ROS1: variants seen among roughly 807,000 people sequenced by gnomAD.
ROS1 encodes ROS proto-oncogene 1, receptor tyrosine kinase, also known as proto-oncogene tyrosine-protein kinase ROS.
ROS1 carries 263 observed loss-of-function variants against 273.5 expected under a neutral mutation model. The observed-to-expected ratio is 0.96, with a 90% CI of 0.87 to 1.06. The LOEUF (loss-of-function observed/expected upper bound fraction) is 1.06, where lower values mean the gene tolerates loss of function less well. ROS1 is among the 50% of genes least tolerant of loss of function. ROS1 has a pLI of 0.00. For missense variants in ROS1, 2,833 were observed against 2,751.1 expected, an observed-to-expected ratio of 1.03 and a Z score of -0.67; for synonymous variants, 1,008 against 954.1, an observed-to-expected ratio of 1.06 and a Z score of -1.04.
intron 31 of ROS1, among the ~76,000 whole-genome samples, chr6:117,337,554 A>G (rs929904183): frequency 4.6e-5 from 7 of 152,090 alleles, no homozygotes; most frequent in Non-Finnish European, 1.0e-4. Flanking sequence ...ATGACTGTTC[A>G]TGGGAGAAGC....
In ROS1 at chr6:117,317,161, A is replaced by C; in HGVS notation, c.6099T>G (p.Arg2033=). Residue 2033 remains arginine (R), a synonymous_variant, in exon 39 of 44, where the codon CGT becomes CGG. Coordinates refer to ENST00000368507, the MANE Select transcript of ROS1 (RefSeq NM_001378902.1). ...TGCCTACCGTTGCCATCCGGGCTTTACGCAAATAAGTAAGAAGGTCTCCTC... is the reference window on the plus strand; with the variant it reads ...TGCCTACCGTTGCCATCCGGGCTTTCCGCAAATAAGTAAGAAGGTCTCCTC... ...MEGGDLLTYL[R]KARMATFYGP... is the part of the protein sequence containing the mutation. 1 of 1,613,150 alleles carries C rather than the reference A, an allele frequency of 6.2e-7. No individual in the cohort carries two copies. Among genetic ancestry groups the C allele is most frequent in the Non-Finnish European group, 8.5e-7 (1 of 1,179,506 alleles).
intron 43 of ROS1, among the ~76,000 whole-genome samples, chr6:117,298,431 T>C (rs936694335): frequency 1.3e-5 from 2 of 152,216 alleles, no homozygotes; most frequent in African/African-American, 4.8e-5. Context: ...TATGTCTATA[T>C]TCAATTCAAC....
At chr6:117,379,596 G>T (rs1265004023) in intron 17 of ROS1, among the ~76,000 whole-genome samples, 1 of 152,088 alleles carries the variant, frequency 6.6e-6, no homozygotes, top group African/African-American at 2.4e-5. Context: ...GAATTTTGTT[G>T]TTGTTTAAAC....
At chr6:117,425,014 A>G (rs1776034916) in intron 1 of ROS1, among the ~76,000 whole-genome samples, 1 of 152,216 alleles carries the variant, frequency 6.6e-6, no homozygotes, top group African/African-American at 2.4e-5. Flanking sequence ...ATGAATTTCC[A>G]TATAAAAAAC....
rs529692309 is a variant in ROS1 at position 117,396,859 on chromosome 6, T to C, written c.806+56A>G. ...TTTGATACCCATATTTCTTAAATAATTATCATGCCTGCAGCCATGCTGGTT... is the reference window on the plus strand; with the variant it reads ...TTTGATACCCATATTTCTTAAATAACTATCATGCCTGCAGCCATGCTGGTT... On this transcript the variant is annotated intron_variant, in intron 8 of 43. Transcript: ENST00000368507. The C allele has an allele frequency of 5.4e-5, 67 of 1,230,710 alleles. No homozygotes were observed. In the South Asian group the frequency reaches 7.1e-4, roughly 13 times the overall value. 76.2% of individuals were successfully genotyped at this position (1,230,710 alleles called of 1,614,324 possible).
chr6:117,386,533 C>T (rs1037421668), intron 15 of ROS1, among the ~76,000 whole-genome samples: 1 of 152,214 alleles, frequency 6.6e-6, no homozygotes, highest in African/African-American at 2.4e-5. Context: ...AGTTTCTGCT[C>T]CTGTCTTATA....
rs201205179 is a variant in ROS1, at chr6:117,329,361, T to A, written c.5316A>T (p.Gly1772=). The change falls in exon 33 of 44, where the codon GGA becomes GGT. Residue 1772 remains glycine, a synonymous_variant. Coordinates refer to ENST00000368507, the MANE Select transcript of ROS1 (RefSeq NM_001378902.1). ...CAAGGATATAGTATGTAATTCTACA[T>A]CCATTATCTTCAGCTTTCTCCCACT... is the stretch of plus-strand genomic sequence containing the variant. ...SIQWEKAEDN[G]CRITYYILEI... The A allele has an allele frequency of 7.2e-5, 113 of 1,567,574 alleles. No homozygotes were observed. The highest frequency in any genetic ancestry group is 9.8e-5 in the Non-Finnish European group (112 of 1,138,570).
chr6:117,416,445 C>A (rs926720204), intron 2 of ROS1, 128 bp from the exon 3 acceptor site: 71 of 658,404 alleles, frequency 1.1e-4, no homozygotes, highest in Middle Eastern at 3.1e-4. Flanking sequence ...TACCAAGAAA[C>A]CTGAGGCCTC....
intron 42 of ROS1, among the ~76,000 whole-genome samples, chr6:117,302,166 C>G (rs183480380): frequency 2.6e-5 from 4 of 152,220 alleles, no homozygotes; most frequent in Non-Finnish European, 5.9e-5. Context: ...GAGTCCCTAC[C>G]TAGCATAAGA....
rs1014477659 is a variant in ROS1 at position 117,357,875 on chromosome 6, T to C, written c.3768A>G (p.Lys1256=). The C allele has an allele frequency of 1.2e-6, 2 of 1,613,570 alleles. No individual in the cohort carries two copies. Among genetic ancestry groups the C allele is most frequent in the African/African-American group, 2.7e-5 (2 of 74,934 alleles). The change falls in exon 25 of 44, where the codon AAA becomes AAG. Residue 1256 remains lysine (K), a synonymous_variant. Coordinates refer to ENST00000368507, the MANE Select transcript of ROS1 (RefSeq NM_001378902.1). The stretch of plus-strand genomic sequence containing the variant: ...TGTGAATCTTCACCTCTCTGGGATA[T>C]TTCACCTTGTGTTCAAGATCAACAT... ...VFDVDLEHKV[K]YPREVKIHNR...
At chr6:117,418,543 A>G in intron 1 of ROS1, 37 bp from the exon 2 acceptor site, 1 of 1,521,040 alleles carries the variant, frequency 6.6e-7, no homozygotes, top group Non-Finnish European at 8.9e-7. Flanking sequence ...ACCAGCCATC[A>G]GTACTGGGTT....
At chr6:117,402,761 T>C (rs1203760703) in intron 7 of ROS1, among the ~76,000 whole-genome samples, 2 of 151,750 alleles carry the variant, frequency 1.3e-5, no homozygotes, top group African/African-American at 4.8e-5. Flanking sequence ...TGGTAGTGCA[T>C]GCCTGAGTCC....
intron 16 of ROS1, 84 bp downstream of exon 16, chr6:117,385,596 TTAA>T: frequency 1.7e-6 from 2 of 1,159,484 alleles, no homozygotes; most frequent in Non-Finnish European, 2.5e-6. Context: ...GCACAGGTAT[TTAA>T]AAAAAAAAAA....
chr6:117,363,987 C>T (rs1780007103), intron 21 of ROS1, among the ~76,000 whole-genome samples: 1 of 152,156 alleles, frequency 6.6e-6, no homozygotes, highest in South Asian at 2.1e-4. Context: ...TTCCTGAAGG[C>T]AAAGGCCAAA....
intron 1 of ROS1, among the ~76,000 whole-genome samples, chr6:117,419,519 T>C (rs1775594057): frequency 6.6e-6 from 1 of 152,208 alleles, no homozygotes; most frequent in South Asian, 2.1e-4. Flanking sequence ...TTGGCTTTTG[T>C]TTTTAGATAA....
At chr6:117,302,094 C>T (rs529679995) in intron 42 of ROS1, among the ~76,000 whole-genome samples, 1 of 152,270 alleles carries the variant, frequency 6.6e-6, no homozygotes, top group African/African-American at 2.4e-5. Context: ...CACACCTCAA[C>T]TCATATAAGC....
intron 39 of ROS1, among the ~76,000 whole-genome samples, chr6:117,315,549 A>T (rs1443055999): frequency 6.6e-6 from 1 of 152,132 alleles, no homozygotes; most frequent in Non-Finnish European, 1.5e-5. Context: ...CGAGGAAAGA[A>T]AGATGTAGTG....
At chr6:117,373,440 G>T (rs947688803) in intron 18 of ROS1, among the ~76,000 whole-genome samples, 1 of 152,250 alleles carries the variant, frequency 6.6e-6, no homozygotes, top group Non-Finnish European at 1.5e-5. Flanking sequence ...GCAGGGAGGC[G>T]CTGAGGCCCG....
At chr6:117,398,678 C>CAAAAAAAAAAAAAAA (rs58864302) in intron 7 of ROS1, among the ~76,000 whole-genome samples, 1 of 59,440 alleles carries the variant, frequency 1.7e-5, no homozygotes, top group Non-Finnish European at 3.6e-5. Flanking sequence ...GACCTTGTCT[C>CAAAAAAAAAAAAAAA]AAAAAAAAAA....
Sources: allele counts gnomAD v4.1 joint callset (sites outside exome capture counted in the v4.1 genomes callset), GRCh38; gene constraint gnomAD v4.1.1; transcripts MANE v1.5; gene names NCBI Gene and HGNC (gene_info 2026-07-23, HGNC 2026-07-21).